FGF18: variants seen among roughly 807,000 people sequenced by gnomAD.
FGF18 encodes fibroblast growth factor 18.
Under a neutral mutation model 23.0 loss-of-function variants are expected in FGF18, and 5 were observed. That is an observed-to-expected ratio of 0.22 (90% confidence interval 0.11 to 0.46). The LOEUF is 0.46. Ranked by LOEUF, FGF18 falls within the 20% of genes least tolerant of loss-of-function variation. The pLI is 0.99. For missense variants in FGF18, 180 were observed against 291.6 expected, an observed-to-expected ratio of 0.62 and a Z score of 2.79; for synonymous variants, 117 against 118.9, an observed-to-expected ratio of 0.98 and a Z score of 0.10.
intron 3 of FGF18, among the ~76,000 whole-genome samples, chr5:171,444,339 T>G (rs1772388372): frequency 6.6e-6 from 1 of 152,202 alleles, no homozygotes; most frequent in Non-Finnish European, 1.5e-5. Context: ...GGATCTCAGC[T>G]CCATCACTGT....
intron 4 of FGF18, among the ~76,000 whole-genome samples, chr5:171,450,139 G>A (rs1772477782): frequency 6.6e-6 from 1 of 151,446 alleles, no homozygotes; most frequent in Non-Finnish European, 1.5e-5. Context: ...GGATTCTAAG[G>A]GGGATGGGCT....
At chr5:171,455,371 G>C (rs1015809756) in intron 4 of FGF18, among the ~76,000 whole-genome samples, 2 of 152,224 alleles carry the variant, frequency 1.3e-5, no homozygotes, top group African/African-American at 2.4e-5. Context: ...TATTTAACTA[G>C]ATCACAGTGG....
intron 2 of FGF18, among the ~76,000 whole-genome samples, chr5:171,427,933 G>T (rs538154588): frequency 6.6e-6 from 1 of 152,170 alleles, no homozygotes; most frequent in Non-Finnish European, 1.5e-5. Context: ...CCGTGTGACC[G>T]AGTGATTGAC....
chr5:171,438,462 T>C (rs1772286889), intron 3 of FGF18, among the ~76,000 whole-genome samples: 1 of 151,940 alleles, frequency 6.6e-6, no homozygotes, highest in African/African-American at 2.4e-5. Flanking sequence ...AATGCCCATG[T>C]TGGTTCAGTG....
chr5:171,426,557 G>A (rs991341746), intron 2 of FGF18, among the ~76,000 whole-genome samples: 3 of 152,236 alleles, frequency 2.0e-5, no homozygotes, highest in African/African-American at 7.2e-5. Flanking sequence ...CTAGCAGTGT[G>A]TTTGCTCTGA....
Position 171,440,397 on chromosome 5 carries a change from A to G in FGF18, c.250+4124A>G, listed in dbSNP as rs577852478. On this transcript the variant is annotated intron_variant, in intron 3 of 4. Coordinates refer to ENST00000274625, the MANE Select transcript of FGF18 (RefSeq NM_003862.3). This position sits in a 1 kb window ranked among gnomAD's most constrained non-coding sequence, Gnocchi z 4.0. ...CGTCCTCCCGTGATTCCCAGCAGCA[A>G]GGTCTCTGCCCCAGTGAGGGAGGAG... Among the ~76,000 whole-genome samples, 5 of 152,206 alleles carry G rather than the reference A, an allele frequency of 3.3e-5. No homozygotes were observed. Among genetic ancestry groups the G allele is most frequent in the African/African-American group, 1.2e-4 (5 of 41,518 alleles).
chr5:171,447,391 C>T (rs538984166), intron 3 of FGF18, among the ~76,000 whole-genome samples: 11 of 152,302 alleles, frequency 7.2e-5, no homozygotes, highest in Non-Finnish European at 8.8e-5. Flanking sequence ...GAGGAAATGA[C>T]GGAGTTTGAC....
intron 3 of FGF18, among the ~76,000 whole-genome samples, chr5:171,447,765 T>G (rs1772440105): frequency 2.0e-5 from 3 of 152,176 alleles, no homozygotes; most frequent in African/African-American, 7.2e-5. Context: ...TGAGGTATAC[T>G]CTTTGTGGCT....
At chr5:171,449,315 G>T (rs1414283824) in intron 4 of FGF18, 62 bp downstream of exon 4, 3 of 1,070,380 alleles carry the variant, frequency 2.8e-6, no homozygotes, top group Admixed American at 3.5e-5. Context: ...CTGGGAGCTG[G>T]AACAATGTGT....
intron 4 of FGF18, among the ~76,000 whole-genome samples, chr5:171,450,090 T>A (rs1213251369): frequency 6.7e-6 from 1 of 149,426 alleles, no homozygotes; most frequent in Admixed American, 6.7e-5. Flanking sequence ...GTTGAGGGGG[T>A]TTTGCCTGGA....
intron 3 of FGF18, among the ~76,000 whole-genome samples, chr5:171,437,529 TC>T (rs779346444): frequency 2.0e-5 from 3 of 152,138 alleles, no homozygotes; most frequent in Non-Finnish European, 4.4e-5. Flanking sequence ...TCGCAGCTTT[TC>T]CCCGTTCCCC....
At chr5:171,435,671 C>T (rs1335114397) in intron 2 of FGF18, among the ~76,000 whole-genome samples, 1 of 152,122 alleles carries the variant, frequency 6.6e-6, no homozygotes, top group Non-Finnish European at 1.5e-5. Flanking sequence ...CCCTCTCGTT[C>T]CTCACCCATC....
intron 4 of FGF18, among the ~76,000 whole-genome samples, chr5:171,455,195 G>A (rs774611048): frequency 1.3e-5 from 2 of 152,190 alleles, no homozygotes; most frequent in African/African-American, 2.4e-5. Flanking sequence ...TTGTCCAGCA[G>A]ACCCAGGCTC....
chr5:171,449,102 C>A, intron 3 of FGF18, 45 bp from the exon 4 acceptor site: 2 of 1,400,918 alleles, frequency 1.4e-6, no homozygotes, highest in Non-Finnish European at 2.0e-6. Context: ...CAAGCCATTG[C>A]CCCTGGTAAT....
chr5:171,422,458 G>C (rs547727024), intron 2 of FGF18, among the ~76,000 whole-genome samples: 4 of 152,264 alleles, frequency 2.6e-5, no homozygotes, highest in African/African-American at 9.6e-5. Context: ...GGAGGGGGAG[G>C]TCCCTGAAAC....
chr5:171,449,794 A>C (rs1394741891), intron 4 of FGF18, among the ~76,000 whole-genome samples: 1 of 137,298 alleles, frequency 7.3e-6, no homozygotes, highest in Non-Finnish European at 1.5e-5. Context: ...AACTGGCAAG[A>C]GAGCTGCATT....
intron 2 of FGF18, among the ~76,000 whole-genome samples, chr5:171,425,875 C>T (rs955519876): frequency 6.6e-6 from 1 of 152,162 alleles, no homozygotes; most frequent in African/African-American, 2.4e-5. Context: ...TCACAACCAG[C>T]CTGGAACTAG....
At chr5:171,423,536 G>A (rs981122041) in intron 2 of FGF18, among the ~76,000 whole-genome samples, 3 of 151,774 alleles carry the variant, frequency 2.0e-5, no homozygotes, top group Admixed American at 6.6e-5. Context: ...CTGGCCTCTT[G>A]TCCCTCCTGC....
rs960291468 is a variant in FGF18, at chr5:171,456,835, C to G, written c.*30C>G. ...CCCCGCCGCGGCCCCTCAGGTCGCC[C>G]TGGCCACACTCACACTCCCAGAAAA... On this transcript the variant is annotated 3_prime_UTR_variant, in exon 5 of 5. Coordinates refer to ENST00000274625, the MANE Select transcript of FGF18 (RefSeq NM_003862.3). The surrounding 1 kb of genome is among the most constrained non-coding windows in gnomAD (Gnocchi z 6.1). 2 of 1,581,746 alleles carry G rather than the reference C, an allele frequency of 1.3e-6. No homozygotes were observed. Among genetic ancestry groups the G allele is most frequent in the African/African-American group, 2.7e-5 (2 of 73,444 alleles).
Sources: allele counts gnomAD v4.1 joint callset (sites outside exome capture counted in the v4.1 genomes callset), GRCh38; gene constraint gnomAD v4.1.1; non-coding constraint Gnocchi (gnomAD v3.1); transcripts MANE v1.5; gene names NCBI Gene and HGNC (gene_info 2026-07-23, HGNC 2026-07-21).